The following ZKSCAN5 variants were observed in gnomAD, a reference collection of about 807,000 sequenced individuals.
The protein encoded by ZKSCAN5 is zinc finger with KRAB and SCAN domains 5.
A neutral mutation model predicts 60.0 loss-of-function variants in ZKSCAN5; 28 were observed. The ratio of observed to expected loss-of-function variants is 0.47; its 90% CI spans 0.35 to 0.64. The LOEUF (loss-of-function observed/expected upper bound fraction) is 0.64, where lower values mean the gene tolerates loss of function less well. Ranked by LOEUF, ZKSCAN5 falls within the 30% of genes least tolerant of loss-of-function variation. The pLI is 0.01. For missense variants in ZKSCAN5, 881 were observed against 1,034.6 expected, an observed-to-expected ratio of 0.85 and a Z score of 2.04; for synonymous variants, 361 against 371.2, an observed-to-expected ratio of 0.97 and a Z score of 0.31.
At chr7:99,525,708 A>C in intron 5 of ZKSCAN5, 105 bp from the exon 6 acceptor site, 2 of 1,438,658 alleles carry the variant, frequency 1.4e-6, no homozygotes, top group Non-Finnish European at 1.9e-6. Context: ...CCTTTACAGA[A>C]TCATGGATCC....
intron 5 of ZKSCAN5, among the ~76,000 whole-genome samples, chr7:99,523,667 G>GA (rs558943649): frequency 2.6e-5 from 4 of 151,324 alleles, no homozygotes; most frequent in Non-Finnish European, 5.9e-5. Flanking sequence ...GAATAAAAGA[G>GA]AAAAAAAATA....
chr7:99,517,718 G>C (rs1801328173), intron 3 of ZKSCAN5, among the ~76,000 whole-genome samples: 1 of 150,842 alleles, frequency 6.6e-6, no homozygotes, highest in African/African-American at 2.4e-5. Context: ...GTGGTGGTGG[G>C]CGCCTGTAAT....
Position 99,526,392 on chromosome 7 carries a change from G to A in ZKSCAN5, c.1352G>A (p.Arg451His), listed in dbSNP as rs749795162. ...TCGCATCTGATCGAACACCTAAAAC[G>A]CCACTTCAGGGAGAAATCCCAGAGA... ...RHSHLIEHLK[R>H]HFREKSQRCS... is the part of the protein sequence containing the mutation. The change falls in exon 6 of 7, where the codon CGC becomes CAC. Residue 451 changes from arginine to histidine, a missense_variant. Arg to His is a conservative substitution (Grantham distance 29). This residue lies in a region of ZKSCAN5 where 490 missense variants were observed against 554.5 expected (regional missense o/e 0.88). Coordinates refer to ENST00000326775, the MANE Select transcript of ZKSCAN5 (RefSeq NM_145102.4). 6.9e-6 allele frequency: 11 copies of A among 1,600,440 alleles called. No individual in the cohort carries two copies. The highest frequency in any genetic ancestry group is 1.1e-5 in the South Asian group (1 of 91,042).
At chr7:99,530,030 C>T (rs541458532) in intron 6 of ZKSCAN5, among the ~76,000 whole-genome samples, 19 of 132,422 alleles carry the variant, frequency 1.4e-4, no homozygotes, top group South Asian at 2.4e-4. Flanking sequence ...CACCTGCACC[C>T]GGCCTTTTTT....
At position 99,531,499 on chromosome 7, in the gene ZKSCAN5, G is replaced by A; in HGVS notation, c.1770G>A (p.Val590=). ...EECGKSYNQR[V]HLTQHQRVHT... ...GTGGGAAAAGCTACAACCAACGCGT[G>A]CACCTAACTCAGCATCAGCGCGTCC... Residue 590 remains valine (V), a synonymous_variant, in exon 7 of 7, where the codon GTG becomes GTA. Transcript: ENST00000326775. The A allele has an allele frequency of 6.2e-7, 1 of 1,614,212 alleles. No homozygotes were observed. The highest frequency in any genetic ancestry group is 8.5e-7 in the Non-Finnish European group (1 of 1,180,038).
intron 6 of ZKSCAN5, among the ~76,000 whole-genome samples, chr7:99,530,323 C>G (rs539915289): frequency 6.0e-4 from 91 of 152,306 alleles, no homozygotes; most frequent in African/African-American, 2.1e-3. Flanking sequence ...GTGTGAGCCA[C>G]CACGCCCGGC....
chr7:99,508,506 C>T (rs1286963342), intron 2 of ZKSCAN5, among the ~76,000 whole-genome samples: 3 of 151,928 alleles, frequency 2.0e-5, no homozygotes, highest in Non-Finnish European at 4.4e-5. Context: ...GTAATCCCAG[C>T]ACTTTGGGAG....
intron 4 of ZKSCAN5, 114 bp downstream of exon 4, chr7:99,520,023 G>A: frequency 6.7e-7 from 1 of 1,495,286 alleles, no homozygotes; most frequent in Non-Finnish European, 9.2e-7. Flanking sequence ...CATTCCTTTG[G>A]CCTTTTTCCT....
Position 99,518,433 on chromosome 7 carries a change from T to A in ZKSCAN5, c.554-1394T>A, listed in dbSNP as rs866080725. The stretch of plus-strand genomic sequence containing the variant: ...GAGACTCTGTCTCCAAAAAAAAAAA[T>A]TTTTTTTAATTAAATTAAAAAATGA... On this transcript the variant is annotated intron_variant, in intron 3 of 6. Transcript: ENST00000326775. Among the ~76,000 whole-genome samples the A allele has an allele frequency of 2.9e-3, 427 of 148,720 alleles. 3 individuals are homozygous for A. Among genetic ancestry groups the A allele is most frequent in the African/African-American group, 8.0e-3 (313 of 39,316 alleles).
intron 6 of ZKSCAN5, 93 bp downstream of exon 6, chr7:99,526,511 A>G (rs1801800294): frequency 4.0e-6 from 6 of 1,502,226 alleles, no homozygotes. Context: ...ATGGGTGGTG[A>G]TACTGGGGGG....
rs2151122580 is a variant in ZKSCAN5 at position 99,533,431 on chromosome 7, A to G, written c.*1182A>G. 1.9e-6 allele frequency: 1 copy of G among 531,662 alleles called. No individual in the cohort carries two copies. The highest frequency in any genetic ancestry group is 3.4e-6 in the Non-Finnish European group (1 of 292,074). The allele number at this position is 531,662 out of a possible 1,614,324, so 32.9% of individuals were successfully genotyped here. ...TCTGCTGACTTGCCTGGCTTACAAT[A>G]AATGCCCAATAAATATTTGTTGACC... On this transcript the variant is annotated 3_prime_UTR_variant, in exon 7 of 7. Coordinates refer to ENST00000326775, the MANE Select transcript of ZKSCAN5 (RefSeq NM_145102.4).
chr7:99,532,391 A>G lies in ZKSCAN5; in HGVS notation c.*142A>G. On this transcript the variant is annotated 3_prime_UTR_variant, in exon 7 of 7. Coordinates refer to ENST00000326775, the MANE Select transcript of ZKSCAN5 (RefSeq NM_145102.4). ...ATCCTTTAGTTATAACTCAGCCTTTAGGAACACCGGAGAACCCACAATAAT... is the reference window on the plus strand; with the variant it reads ...ATCCTTTAGTTATAACTCAGCCTTTGGGAACACCGGAGAACCCACAATAAT... The G allele has an allele frequency of 1.3e-6, 1 of 748,288 alleles. No homozygotes were observed. The highest frequency in any genetic ancestry group is 2.0e-6 in the Non-Finnish European group (1 of 497,196). 46.4% of individuals were successfully genotyped at this position (748,288 alleles called of 1,614,324 possible).
intron 3 of ZKSCAN5, among the ~76,000 whole-genome samples, chr7:99,515,418 C>A (rs1242518390): frequency 6.7e-6 from 1 of 148,278 alleles, no homozygotes; most frequent in African/African-American, 2.5e-5. Context: ...AAAAAAAAAA[C>A]AAAAACTGCT....
At chr7:99,510,057 G>C (rs1021273107) in intron 2 of ZKSCAN5, among the ~76,000 whole-genome samples, 1 of 151,714 alleles carries the variant, frequency 6.6e-6, no homozygotes, top group Non-Finnish European at 1.5e-5. Flanking sequence ...TGATCCTCTT[G>C]AGTAGCTAGG....
chr7:99,521,042 T>C (rs1801514519), intron 5 of ZKSCAN5, among the ~76,000 whole-genome samples: 1 of 152,194 alleles, frequency 6.6e-6, no homozygotes, highest in African/African-American at 2.4e-5. Flanking sequence ...TTAATTGTAC[T>C]GTCTGGAGCA....
intron 2 of ZKSCAN5, among the ~76,000 whole-genome samples, chr7:99,510,741 G>A (rs956046724): frequency 2.6e-5 from 4 of 151,728 alleles, no homozygotes; most frequent in African/African-American, 9.7e-5. Context: ...ACTGCGCCTG[G>A]CCTATTTATT....
chr7:99,506,572 G>A (rs1276857671), intron 2 of ZKSCAN5, 114 bp downstream of exon 2: 2 of 1,328,674 alleles, frequency 1.5e-6, no homozygotes, highest in Non-Finnish European at 2.0e-6. Flanking sequence ...GTTCTCCTGG[G>A]ATTAGGTACC....
chr7:99,522,793 T>C (rs1801598865), intron 5 of ZKSCAN5, among the ~76,000 whole-genome samples: 1 of 151,404 alleles, frequency 6.6e-6, no homozygotes, highest in Admixed American at 6.6e-5. Flanking sequence ...GGCTCGTATG[T>C]TTTGTTAATG....
intron 5 of ZKSCAN5, among the ~76,000 whole-genome samples, chr7:99,525,573 C>T (rs965815907): frequency 6.6e-6 from 1 of 152,062 alleles, no homozygotes; most frequent in African/African-American, 2.4e-5. Context: ...AGACCCTCTT[C>T]GTTCAGTGGA....
Sources: gnomAD v4.1 joint callset for allele counts (sites outside exome capture counted in the v4.1 genomes callset) on GRCh38, gnomAD v4.1.1 for gene constraint, gnomAD v4.1.1 regional missense constraint, MANE v1.5 for transcripts, NCBI Gene and HGNC (gene_info 2026-07-23, HGNC 2026-07-21) for gene names.